The following ATP9A variants were observed in gnomAD, a reference collection of about 807,000 sequenced individuals.
ATP9A encodes probable phospholipid-transporting ATPase IIA.
Under a neutral mutation model 144.1 loss-of-function variants are expected in ATP9A, and 52 were observed. That is an observed-to-expected ratio of 0.36 (90% CI 0.29 to 0.45). The LOEUF is 0.45. Among genes scored for constraint, ATP9A ranks in the 20% least tolerant of loss-of-function variants. The pLI, the probability that ATP9A is intolerant of heterozygous loss-of-function variation, is 1.00. For synonymous variants in ATP9A, 582 were observed against 557.4 expected, an observed-to-expected ratio of 1.04 and a Z score of -0.62; for missense variants, 947 against 1,392.7, an observed-to-expected ratio of 0.68 and a Z score of 5.09.
intron 4 of ATP9A, among the ~76,000 whole-genome samples, chr20:51,700,755 G>A (rs6063698): frequency 0.24 from 36,601 of 152,020 alleles, 4,714 homozygotes; most frequent in Non-Finnish European, 0.27. Flanking sequence ...GCTTGAACCC[G>A]GGAGGCGGAG....
In ATP9A at chr20:51,600,981, A is replaced by G. The variant is rs745612657; in HGVS notation, c.*230T>C. Reference sequence around the variant, plus strand: ...AGCTTTAACATATTCATATTCACCTAAACATGAAGAACGAGGGGTTCAGAC... The same window carrying G: ...AGCTTTAACATATTCATATTCACCTGAACATGAAGAACGAGGGGTTCAGAC... On this transcript the variant is annotated 3_prime_UTR_variant, in exon 28 of 28. Coordinates refer to ENST00000338821, the MANE Select transcript of ATP9A (RefSeq NM_006045.3). The G allele has an allele frequency of 2.1e-5, 8 of 382,968 alleles. No homozygotes were observed. Among genetic ancestry groups the G allele is most frequent in the Non-Finnish European group, 3.7e-5 (8 of 218,948 alleles). The allele number at this position is 382,968 out of a possible 1,614,324, so 23.7% of individuals were successfully genotyped here.
chr20:51,701,123 AT>A (rs1282823159), intron 4 of ATP9A, among the ~76,000 whole-genome samples: 1 of 152,222 alleles, frequency 6.6e-6, no homozygotes, highest in African/African-American at 2.4e-5. Flanking sequence ...ACTAAAATTT[AT>A]GCTGCTGACC....
At chr20:51,761,011 G>A (rs1407036584) in intron 1 of ATP9A, among the ~76,000 whole-genome samples, 1 of 152,170 alleles carries the variant, frequency 6.6e-6, no homozygotes, top group Non-Finnish European at 1.5e-5. Flanking sequence ...CTGAGTGAGA[G>A]TGAGACTCCG....
At chr20:51,710,697 G>T (rs1251352634) in intron 4 of ATP9A, among the ~76,000 whole-genome samples, 1 of 152,130 alleles carries the variant, frequency 6.6e-6, no homozygotes, top group African/African-American at 2.4e-5. Context: ...GGACACCAGG[G>T]GCCGCAAAGA....
chr20:51,738,382 A>T (rs548146726), intron 1 of ATP9A, among the ~76,000 whole-genome samples: 1 of 152,156 alleles, frequency 6.6e-6, no homozygotes, highest in Non-Finnish European at 1.5e-5. Context: ...GATTGGGGCA[A>T]GTAGGGCAGC....
At chr20:51,690,675 G>A in intron 8 of ATP9A, 64 bp downstream of exon 8, 1 of 1,353,774 alleles carries the variant, frequency 7.4e-7, no homozygotes, top group Non-Finnish European at 1.1e-6. Context: ...AGTACTTCTT[G>A]GCCTTCATTT....
intron 9 of ATP9A, among the ~76,000 whole-genome samples, chr20:51,678,240 G>GAAGA (rs1226510679): frequency 1.3e-5 from 2 of 152,062 alleles, no homozygotes; most frequent in Admixed American, 1.3e-4. Context: ...AGCTCTCAGG[G>GAAGA]AAGATCCCAG....
chr20:51,708,421 T>G (rs888827080), intron 4 of ATP9A, among the ~76,000 whole-genome samples: 1 of 152,094 alleles, frequency 6.6e-6, no homozygotes, highest in African/African-American at 2.4e-5. Context: ...TTCCTATTAA[T>G]GAGGATTTTA....
chr20:51,738,352 A>C (rs2077771250), intron 1 of ATP9A, among the ~76,000 whole-genome samples: 1 of 152,162 alleles, frequency 6.6e-6, no homozygotes, highest in Non-Finnish European at 1.5e-5. Flanking sequence ...TTAAAAAGTA[A>C]GCAAATTGAA....
rs116036154 is a variant in ATP9A at position 51,657,329 on chromosome 20, T to C, written c.1294-179A>G. 7.4e-3 allele frequency among the ~76,000 whole-genome samples: 1,119 copies of C among 151,676 alleles called. 13 individuals are homozygous for C. The highest frequency in any genetic ancestry group is 0.026 in the African/African-American group (1,061 of 41,372). On this transcript the variant is annotated intron_variant, in intron 13 of 27. Transcript: ENST00000338821. ...TGCAATTTTCAGGGTTTGTCATTTA[T>C]GCTCGGCAAAAAAAAAAGAAAAAGA... is the stretch of plus-strand genomic sequence containing the variant.
At chr20:51,666,792 C>T (rs535036828) in intron 13 of ATP9A, among the ~76,000 whole-genome samples, 1 of 152,182 alleles carries the variant, frequency 6.6e-6, no homozygotes, top group Admixed American at 6.5e-5. Context: ...GGGTGATGTG[C>T]ATATTTGGGA....
chr20:51,684,177 C>T (rs535675630), intron 9 of ATP9A, among the ~76,000 whole-genome samples: 3 of 151,904 alleles, frequency 2.0e-5, no homozygotes, highest in Non-Finnish European at 4.4e-5. Flanking sequence ...AGATCAAGAC[C>T]CTGTCTTGAA....
chr20:51,740,215 C>T (rs895304059), intron 1 of ATP9A, among the ~76,000 whole-genome samples: 1 of 151,816 alleles, frequency 6.6e-6, no homozygotes, highest in Non-Finnish European at 1.5e-5. Context: ...CACCACCACA[C>T]CTGGCATATT....
intron 3 of ATP9A, among the ~76,000 whole-genome samples, chr20:51,714,429 T>C (rs1052551331): frequency 2.0e-5 from 3 of 151,120 alleles, no homozygotes; most frequent in Admixed American, 2.0e-4. Flanking sequence ...TTACCCAGGA[T>C]GGAGTGCAGT....
intron 1 of ATP9A, among the ~76,000 whole-genome samples, chr20:51,736,781 C>A (rs140126016): frequency 0.015 from 2,265 of 149,862 alleles, 55 homozygotes; most frequent in African/African-American, 0.05. Context: ...TTAACAACAA[C>A]AAAAAAAACA....
At chr20:51,627,174 A>T (rs1184138222) in intron 17 of ATP9A, among the ~76,000 whole-genome samples, 2 of 48,148 alleles carry the variant, frequency 4.2e-5, no homozygotes, top group East Asian at 1.9e-3. Context: ...ATGAATGTTA[A>T]AAAAAAATAT....
Position 51,618,887 on chromosome 20 carries a change from C to A in ATP9A, c.2205+67G>T, listed in dbSNP as rs2077214522. ...GGAGGTCGCTGCCGAGCCTGCAGTG[C>A]CCCTGCCGAAGCCGGGTAAGACCCA... On this transcript the variant is annotated intron_variant, in intron 20 of 27. Coordinates refer to ENST00000338821, the MANE Select transcript of ATP9A (RefSeq NM_006045.3). The A allele has an allele frequency of 8.1e-6, 13 of 1,595,824 alleles. No individual in the cohort carries two copies. In the South Asian group the frequency reaches 1.5e-4, roughly 18 times the overall value.
chr20:51,718,484 G>T (rs896566366), intron 3 of ATP9A, among the ~76,000 whole-genome samples: 1 of 151,772 alleles, frequency 6.6e-6, no homozygotes, highest in Admixed American at 6.6e-5. Flanking sequence ...TTGGAGGAGT[G>T]GGGGGCAAAA....
At chr20:51,612,629 T>C (rs1163386300) in intron 23 of ATP9A, among the ~76,000 whole-genome samples, 1 of 152,150 alleles carries the variant, frequency 6.6e-6, no homozygotes, top group Non-Finnish European at 1.5e-5. Context: ...TTCACCACGT[T>C]CACCAGACTG....
Sources: allele counts gnomAD v4.1 joint callset (sites outside exome capture counted in the v4.1 genomes callset), GRCh38; gene constraint gnomAD v4.1.1; transcripts MANE v1.5; gene names NCBI Gene and HGNC (gene_info 2026-07-23, HGNC 2026-07-21).